The following ANO9 variants were observed in gnomAD, a reference collection of about 807,000 sequenced individuals.
ANO9 encodes anoctamin-9.
A neutral mutation model predicts 100.5 loss-of-function variants in ANO9; 80 were observed. The observed-to-expected ratio is 0.80, with a 90% CI of 0.66 to 0.96. ANO9 has a LOEUF of 0.96. ANO9 is among the 40% of genes least tolerant of loss of function. ANO9 has a pLI of 0.00. For synonymous variants in ANO9, 473 were observed against 435.6 expected (o/e 1.09, Z -1.07); for missense variants, 1,064 against 1,072.7 (o/e 0.99, Z 0.11).
At chr11:435,889 G>A (rs1431818215) in intron 1 of ANO9, among the ~76,000 whole-genome samples, 2 of 150,374 alleles carry the variant, frequency 1.3e-5, no homozygotes, top group African/African-American at 2.5e-5. Flanking sequence ...GCATAATATG[G>A]TATAGTCTAG....
chr11:430,861 C>T (rs1375575117), intron 7 of ANO9, among the ~76,000 whole-genome samples: 2 of 9,470 alleles, frequency 2.1e-4, no homozygotes, highest in Non-Finnish European at 3.5e-4. Flanking sequence ...GGGGCTCACG[C>T]GGGTATCTGG....
intron 15 of ANO9, among the ~76,000 whole-genome samples, chr11:427,592 T>C (rs1466180624): frequency 6.6e-6 from 1 of 151,986 alleles, no homozygotes; most frequent in Non-Finnish European, 1.5e-5. Context: ...ATTAGCTGGG[T>C]GTGGTGGTGC....
intron 1 of ANO9, among the ~76,000 whole-genome samples, chr11:441,083 G>A (rs1400496447): frequency 1.3e-5 from 2 of 152,226 alleles, no homozygotes; most frequent in Non-Finnish European, 2.9e-5. Context: ...CAGCCAGGGT[G>A]TCAGACCTGG....
At chr11:426,495 C>G (rs894702734) in intron 15 of ANO9, among the ~76,000 whole-genome samples, 1 of 152,136 alleles carries the variant, frequency 6.6e-6, no homozygotes, top group Non-Finnish European at 1.5e-5. Context: ...ATTGCTGGAA[C>G]CAGGAGTTTG....
rs1309997879 is a variant in ANO9, at chr11:420,997, T to C, written c.1438A>G (p.Ile480Val). ...CMMDLFVQMA[I>V]IMGLKQTLSN... ...AGCGTCTGCTTCAGGCCCATGATGA[T>C]GGCCATCTGCACGAAGAGGTCCATC... Residue 480 changes from isoleucine (I) to valine (V), a missense_variant, in exon 17 of 23, where the codon ATC becomes GTC. Ile to Val is a conservative substitution (Grantham distance 29, BLOSUM62 3). Transcript: ENST00000332826. 6.2e-7 allele frequency: 1 copy of C among 1,606,692 alleles called. No homozygotes were observed. Among genetic ancestry groups the C allele is most frequent in the Admixed American group, 1.7e-5 (1 of 59,878 alleles).
Position 430,093 on chromosome 11 carries a change from G to A in ANO9, c.761C>T (p.Thr254Ile), listed in dbSNP as rs1848802499. Residue 254 changes from threonine to isoleucine, a missense_variant, in exon 9 of 23, where the codon ACT (threonine) becomes ATT (isoleucine). Coordinates refer to ENST00000332826, the MANE Select transcript of ANO9 (RefSeq NM_001012302.3). Reference sequence around the variant, plus strand: ...CCGGAGGCGACAAACCTTGGCAAAAGTGCAGGTTTCCGAGAGCCGCTGGTA... The same window carrying A: ...CCGGAGGCGACAAACCTTGGCAAAAATGCAGGTTTCCGAGAGCCGCTGGTA... ...RRYQRLSETCTFAKLTHLFDN... is the reference protein window; with the variant it reads ...RRYQRLSETCIFAKLTHLFDN... 3 of 1,550,970 alleles carry A rather than the reference G, an allele frequency of 1.9e-6. No individual in the cohort carries two copies. Among genetic ancestry groups the A allele is most frequent in the Admixed American group, 2.0e-5 (1 of 51,260 alleles).
chr11:435,085 T>A (rs1359044039), intron 1 of ANO9, among the ~76,000 whole-genome samples: 1 of 152,084 alleles, frequency 6.6e-6, no homozygotes, highest in Non-Finnish European at 1.5e-5. Flanking sequence ...GATATAGTAT[T>A]GTAGTGTAGT....
intron 15 of ANO9, among the ~76,000 whole-genome samples, chr11:426,030 C>G (rs951910317): frequency 6.6e-6 from 1 of 152,172 alleles, no homozygotes; most frequent in African/African-American, 2.4e-5. Context: ...CCTCGCCCAG[C>G]CCCTCACCAG....
At chr11:435,513 A>AGTATG (rs1378437488) in intron 1 of ANO9, among the ~76,000 whole-genome samples, 12 of 150,746 alleles carry the variant, frequency 8.0e-5, no homozygotes, top group Non-Finnish European at 1.5e-4. Flanking sequence ...AGTCTAGTCT[A>AGTATG]GTCTAGTATG....
intron 1 of ANO9, among the ~76,000 whole-genome samples, chr11:438,489 C>G (rs1240717631): frequency 6.6e-6 from 1 of 150,594 alleles, no homozygotes; most frequent in Non-Finnish European, 1.5e-5. Context: ...GTGTAGCCCC[C>G]CCAACACACA....
chr11:423,657 A>G (rs2133684498), intron 15 of ANO9, among the ~76,000 whole-genome samples: 1 of 151,788 alleles, frequency 6.6e-6, no homozygotes, highest in Middle Eastern at 3.4e-3. Flanking sequence ...ACAGGCCCAA[A>G]CCACCACGCC....
At chr11:431,962 C>T (rs376082668) in intron 5 of ANO9, 37 bp downstream of exon 5, 89 of 1,612,314 alleles carry the variant, frequency 5.5e-5, no homozygotes, top group Non-Finnish European at 7.2e-5. Flanking sequence ...GAACCCTGCC[C>T]GCAGCGCCCC....
In ANO9 at chr11:421,127, T is replaced by C; in HGVS notation, c.1392+14A>G. Reference sequence around the variant, plus strand: ...TGGCTCAGGGACAGGGCATGAAGCCTGGGGGTGACTGACCTCTTCCAGCTT... The same window carrying C: ...TGGCTCAGGGACAGGGCATGAAGCCCGGGGGTGACTGACCTCTTCCAGCTT... On this transcript the variant is annotated intron_variant, in intron 16 of 22. Transcript: ENST00000332826. This position sits in a 1 kb window ranked among gnomAD's most constrained non-coding sequence, Gnocchi z 6.8. The C allele has an allele frequency of 1.3e-6, 2 of 1,570,484 alleles. No individual in the cohort carries two copies. Among genetic ancestry groups the C allele is most frequent in the Non-Finnish European group, 1.7e-6 (2 of 1,153,106 alleles).
intron 15 of ANO9, among the ~76,000 whole-genome samples, chr11:423,961 C>T (rs1282054698): frequency 6.6e-6 from 1 of 151,648 alleles, no homozygotes; most frequent in Non-Finnish European, 1.5e-5. Context: ...CAGGCTGGAG[C>T]GCAATGGTGC....
chr11:421,577 G>T lies in ANO9; in HGVS notation c.1335-379C>A, dbSNP rs527808748. Among the ~76,000 whole-genome samples the T allele has an allele frequency of 1.0e-4, 9 of 90,394 alleles. No individual in the cohort carries two copies. The highest frequency in any genetic ancestry group is 1.3e-4 in the Non-Finnish European group (6 of 44,986). The allele number at this position is 90,394 out of a possible 152,430, so 59.3% of individuals were successfully genotyped here. A position where few individuals can be genotyped will look rare whatever the true frequency, so the allele number is the denominator to read the frequency against. ...AGATGAACCGCACCCACACGTGGGCGCGCGCACACACACACACACCCCCAC... is the reference window on the plus strand; with the variant it reads ...AGATGAACCGCACCCACACGTGGGCTCGCGCACACACACACACACCCCCAC... On this transcript the variant is annotated intron_variant, in intron 15 of 22. Transcript: ENST00000332826. This position sits in a 1 kb window ranked among gnomAD's most constrained non-coding sequence, Gnocchi z 6.8.
At chr11:425,804 T>C (rs1383082453) in intron 15 of ANO9, among the ~76,000 whole-genome samples, 1 of 152,068 alleles carries the variant, frequency 6.6e-6, no homozygotes, top group Non-Finnish European at 1.5e-5. Flanking sequence ...CGATCTCAGC[T>C]CACTGCAGGC....
Position 418,822 on chromosome 11 carries a change from A to G in ANO9, c.2037-9T>C, listed in dbSNP as rs2133673272. ...TGCGGTAGTCCCTGTATCTGGGGTA[A>G]GGAAGTACCTGAGGTCAGGGGTCAG... On this transcript the variant is annotated splice_polypyrimidine_tract_variant and intron_variant, in intron 21 of 22. Coordinates refer to ENST00000332826, the MANE Select transcript of ANO9 (RefSeq NM_001012302.3). The G allele has an allele frequency of 6.2e-7, 1 of 1,613,352 alleles. No homozygotes were observed. The highest frequency in any genetic ancestry group is 1.3e-5 in the African/African-American group (1 of 75,034).
intron 15 of ANO9, among the ~76,000 whole-genome samples, chr11:426,116 A>C (rs2133689854): frequency 6.6e-6 from 1 of 152,356 alleles, no homozygotes; most frequent in East Asian, 1.9e-4. Flanking sequence ...AGTTTCACAC[A>C]CTGTGGGTAG....
intron 15 of ANO9, among the ~76,000 whole-genome samples, chr11:423,750 T>G (rs1336481836): frequency 6.6e-6 from 1 of 152,046 alleles, no homozygotes; most frequent in Non-Finnish European, 1.5e-5. Context: ...AGGCTGGTCT[T>G]GAACTCCCAG....
Sources: gnomAD v4.1 joint callset for allele counts (sites outside exome capture counted in the v4.1 genomes callset) on GRCh38, gnomAD v4.1.1 for gene constraint, Gnocchi (gnomAD v3.1) non-coding constraint, MANE v1.5 for transcripts, NCBI Gene and HGNC (gene_info 2026-07-23, HGNC 2026-07-21) for gene names.